NELFA: variants seen among roughly 807,000 people sequenced by gnomAD.
NELFA encodes the protein negative elongation factor complex member A, also known as negative elongation factor A.
In NELFA, 35 loss-of-function variants were observed where a neutral mutation model predicts 51.8. The ratio of observed to expected loss-of-function variants is 0.68; its 90% CI spans 0.52 to 0.90. The LOEUF (loss-of-function observed/expected upper bound fraction) is 0.90. Ranked by LOEUF, NELFA falls within the 40% of genes least tolerant of loss-of-function variation. The pLI is 0.00. For synonymous variants in NELFA, 417 were observed against 338.4 expected, an observed-to-expected ratio of 1.23 and a Z score of -2.55; for missense variants, 658 against 746.4, an observed-to-expected ratio of 0.88 and a Z score of 1.38.
intron 1 of NELFA, among the ~76,000 whole-genome samples, chr4:1,994,872 A>T (rs1278195767): frequency 1.3e-5 from 2 of 152,134 alleles, no homozygotes; most frequent in African/African-American, 4.8e-5. Context: ...AAAATTAAAA[A>T]TAAAAAGACA....
chr4:1,998,601 A>G (rs1437196857), intron 1 of NELFA, among the ~76,000 whole-genome samples: 1 of 152,152 alleles, frequency 6.6e-6, no homozygotes, highest in Admixed American at 6.5e-5. Context: ...AACAATAGAG[A>G]GAAAAGAATG....
chr4:1,997,343 C>T (rs905891121), intron 1 of NELFA, among the ~76,000 whole-genome samples: 1 of 152,192 alleles, frequency 6.6e-6, no homozygotes, highest in Admixed American at 6.5e-5. Context: ...CAAAGACAGT[C>T]TGGGTAAGTA....
intron 4 of NELFA, chr4:1,987,574 G>T (rs1222095023): frequency 2.4e-5 from 6 of 253,494 alleles, no homozygotes; most frequent in Non-Finnish European, 4.5e-5. Context: ...AGAGCCACCG[G>T]TGCCAACAGC....
chr4:1,984,066 G>A lies in NELFA; in HGVS notation c.1084C>T (p.Pro362Ser), dbSNP rs1057035677. 6.3e-7 allele frequency: 1 copy of A among 1,597,498 alleles called. No homozygotes were observed. Among genetic ancestry groups the A allele is most frequent in the Non-Finnish European group, 8.5e-7 (1 of 1,176,384 alleles). Reference protein sequence around the residue: ...ASRPPEEPSAPSPTLPAQFKQ... With the variant: ...ASRPPEEPSASSPTLPAQFKQ... ...AACTGCGCTGGCAACGTGGGGCTCG[G>A]GGCGCTGGGCTCCTCTGGTGGGCGG... Residue 362 changes from proline to serine, a missense_variant, in exon 9 of 11, where the codon CCG becomes TCG. Transcript: ENST00000382882.
At chr4:1,997,278 A>G (rs1728451275) in intron 1 of NELFA, among the ~76,000 whole-genome samples, 1 of 152,240 alleles carries the variant, frequency 6.6e-6, no homozygotes, top group Admixed American at 6.5e-5. Flanking sequence ...AGAAAAGACC[A>G]GATACATTAC....
intron 2 of NELFA, 139 bp downstream of exon 2, chr4:1,991,405 G>A: frequency 1.2e-6 from 1 of 843,694 alleles, no homozygotes; most frequent in South Asian, 1.7e-5. Context: ...GGAGGATGGT[G>A]CATATACAGT....
intron 1 of NELFA, chr4:2,003,730 T>C (rs537468375): frequency 1.3e-5 from 2 of 150,652 alleles, no homozygotes; most frequent in Non-Finnish European, 1.5e-5. Context: ...CAGGGCCTAA[T>C]AGGGGTGGGA....
chr4:1,984,189 C>T (rs1728010019), intron 8 of NELFA, 76 bp from the exon 9 acceptor site: 27 of 1,408,830 alleles, frequency 1.9e-5, no homozygotes, highest in Non-Finnish European at 2.5e-5. Flanking sequence ...CTGGAGGTGA[C>T]AGGCTCAGCT....
intron 3 of NELFA, among the ~76,000 whole-genome samples, chr4:1,988,853 CCCA>C (rs1178967805): frequency 6.6e-6 from 1 of 152,176 alleles, no homozygotes; most frequent in African/African-American, 2.4e-5. Context: ...CACCCTGGCA[CCCA>C]CCGTGCCCAA....
chr4:1,991,888 C>A, intron 1 of NELFA, 173 bp from the exon 2 acceptor site: 1 of 638,060 alleles, frequency 1.6e-6, no homozygotes, highest in Non-Finnish European at 2.6e-6. Flanking sequence ...CCCAGGGCCA[C>A]CTTGCTTCCC....
chr4:2,001,491 G>C (rs1210346370), intron 1 of NELFA, among the ~76,000 whole-genome samples: 3 of 152,096 alleles, frequency 2.0e-5, no homozygotes, highest in African/African-American at 4.8e-5. Flanking sequence ...GGCAAGCAGA[G>C]AGCCAAATCA....
chr4:1,989,945 C>G lies in NELFA; in HGVS notation c.383-76G>C. 1 of 1,532,068 alleles carries G rather than the reference C, an allele frequency of 6.5e-7. No homozygotes were observed. The highest frequency in any genetic ancestry group is 8.8e-7 in the Non-Finnish European group (1 of 1,133,376). 94.9% of individuals were successfully genotyped at this position (1,532,068 alleles called of 1,614,324 possible). On this transcript the variant is annotated intron_variant, in intron 2 of 10. Coordinates refer to ENST00000382882, the MANE Select transcript of NELFA (RefSeq NM_005663.5). This position sits in a 1 kb window ranked among gnomAD's most constrained non-coding sequence, Gnocchi z 4.8. ...CGGCTGAGAGGAGCTGGCGGCTGCC[C>G]AGCCCCACACCCTCCTCAGTTAGGG...
intron 1 of NELFA, among the ~76,000 whole-genome samples, chr4:1,993,776 G>A (rs544291057): frequency 6.6e-6 from 1 of 151,076 alleles, no homozygotes; most frequent in South Asian, 2.1e-4. Flanking sequence ...GTGGAAGGTG[G>A]GAACGAGCTC....
chr4:2,006,768 C>CAAAAAAAAAAAAAAAAAAAAAAAAAA (rs57055347), intron 1 of NELFA, among the ~76,000 whole-genome samples: 1 of 79,756 alleles, frequency 1.3e-5, no homozygotes. Flanking sequence ...GACGCTGTCT[C>CAAAAAAAAAAAAAAAAAAAAAAAAAA]AAAAAAAAAA....
chr4:1,986,096 G>T lies in NELFA; in HGVS notation c.835+18C>A. On this transcript the variant is annotated intron_variant, in intron 6 of 10. Transcript: ENST00000382882. ...CAGGGACCCCCATTGCCGCCGACAC[G>T]CAGGCCCCAACCCCCACCGAGAGTC... is the stretch of plus-strand genomic sequence containing the variant. The T allele has an allele frequency of 6.5e-7, 1 of 1,548,462 alleles. No individual in the cohort carries two copies. Among genetic ancestry groups the T allele is most frequent in the Non-Finnish European group, 8.7e-7 (1 of 1,146,118 alleles).
At chr4:1,990,917 C>T (rs954626010) in intron 2 of NELFA, among the ~76,000 whole-genome samples, 9 of 152,216 alleles carry the variant, frequency 5.9e-5, no homozygotes, top group Admixed American at 2.0e-4. Flanking sequence ...CCTCCTGACT[C>T]AGCCTCCCAA....
At chr4:2,007,934 T>C in intron 1 of NELFA, 1 of 456,372 alleles carries the variant, frequency 2.2e-6, no homozygotes, top group Non-Finnish European at 4.4e-6. Flanking sequence ...AGCGATACAA[T>C]ATAAAGTTTA....
At chr4:2,000,946 A>G (rs1223790527) in intron 1 of NELFA, among the ~76,000 whole-genome samples, 1 of 152,220 alleles carries the variant, frequency 6.6e-6, no homozygotes, top group Non-Finnish European at 1.5e-5. Flanking sequence ...CTTATCCACC[A>G]CGATCAAGTG....
rs1263512772 is a variant in NELFA, at chr4:1,992,119, C to T, written c.211-404G>A. 2.3e-5 allele frequency: 5 copies of T among 219,962 alleles called. No individual in the cohort carries two copies. In the South Asian group the frequency reaches 2.9e-4, roughly 13 times the overall value. 13.6% of individuals were successfully genotyped at this position (219,962 alleles called of 1,614,324 possible). ...GAGGGGCGTAGAGCAGGCAGGTGCC[C>T]GGCACAGCAGAGCGCAGGAGCAGGG... is the stretch of plus-strand genomic sequence containing the variant. On this transcript the variant is annotated intron_variant, in intron 1 of 10. Transcript: ENST00000382882.
Sources: gnomAD v4.1 joint callset for allele counts (sites outside exome capture counted in the v4.1 genomes callset) on GRCh38, gnomAD v4.1.1 for gene constraint, Gnocchi (gnomAD v3.1) non-coding constraint, MANE v1.5 for transcripts, NCBI Gene and HGNC (gene_info 2026-07-23, HGNC 2026-07-21) for gene names.